Variants in GSG1L observed in about 807,000 individuals in gnomAD.
GSG1L encodes GSG1 like, also known as germ cell-specific gene 1-like protein.
Under a neutral mutation model 42.1 loss-of-function variants are expected in GSG1L, and 24 were observed. That is an observed-to-expected ratio of 0.57 (90% CI 0.41 to 0.80). The LOEUF is 0.80. GSG1L is among the 30% of genes least tolerant of loss of function. The pLI is 0.00. For synonymous variants in GSG1L, 215 were observed against 203.5 expected, an observed-to-expected ratio of 1.06 and a Z score of -0.48; for missense variants, 445 against 472.2, an observed-to-expected ratio of 0.94 and a Z score of 0.53.
At chr16:28,018,402 C>A (rs139115851) in intron 1 of GSG1L, among the ~76,000 whole-genome samples, 13 of 152,326 alleles carry the variant, frequency 8.5e-5, no homozygotes, top group African/African-American at 3.1e-4. Flanking sequence ...CCTTACCCAA[C>A]CACTTCCAAA....
intron 1 of GSG1L, among the ~76,000 whole-genome samples, chr16:28,033,837 G>T (rs866242295): frequency 9.2e-5 from 14 of 152,310 alleles, no homozygotes; most frequent in Middle Eastern, 3.4e-3. Flanking sequence ...GATAATTAAT[G>T]AAAAACAGAC....
chr16:27,896,210 T>G (rs560894711), intron 2 of GSG1L, among the ~76,000 whole-genome samples: 4 of 152,104 alleles, frequency 2.6e-5, no homozygotes, highest in Non-Finnish European at 5.9e-5. Flanking sequence ...TTCCTTCTGG[T>G]GGGTGCTCAG....
intron 1 of GSG1L, among the ~76,000 whole-genome samples, chr16:27,983,963 C>T (rs374089795): frequency 6.6e-6 from 1 of 152,072 alleles, no homozygotes; most frequent in Non-Finnish European, 1.5e-5. Context: ...CATAAATAAC[C>T]CCTGATAGAG....
intron 1 of GSG1L, among the ~76,000 whole-genome samples, chr16:27,976,325 A>G (rs1034481744): frequency 6.6e-6 from 1 of 152,194 alleles, no homozygotes; most frequent in Non-Finnish European, 1.5e-5. Context: ...CACGGAGGCC[A>G]CATGTTTTCA....
At chr16:27,921,754 T>C (rs1206884932) in intron 2 of GSG1L, among the ~76,000 whole-genome samples, 1 of 152,192 alleles carries the variant, frequency 6.6e-6, no homozygotes, top group South Asian at 2.1e-4. Flanking sequence ...TGGTTTCTTT[T>C]CCAGGCTCTT....
intron 2 of GSG1L, among the ~76,000 whole-genome samples, chr16:27,916,891 A>T (rs2141058665): frequency 6.6e-6 from 1 of 152,344 alleles, no homozygotes; most frequent in East Asian, 1.9e-4. Flanking sequence ...GCAAAAAAAA[A>T]AATGTCTAGA....
Position 27,845,568 on chromosome 16 carries a change from G to A in GSG1L, c.551-507C>T, listed in dbSNP as rs148661173. On this transcript the variant is annotated intron_variant, in intron 3 of 6. Coordinates refer to ENST00000447459, the MANE Select transcript of GSG1L (RefSeq NM_001109763.2). ...CCCCATCTAGTAAGAAGACCCAGCT[G>A]TAGAGTGGGCTTTGGCTGGGGTCAG... Among the ~76,000 whole-genome samples the A allele has an allele frequency of 1.3e-4, 20 of 152,308 alleles. No homozygotes were observed. In the East Asian group the frequency reaches 3.9e-3, roughly 29 times the overall value.
At chr16:27,913,895 G>T (rs947586720) in intron 2 of GSG1L, among the ~76,000 whole-genome samples, 1 of 151,756 alleles carries the variant, frequency 6.6e-6, no homozygotes, top group African/African-American at 2.4e-5. Flanking sequence ...TTATCGGAAA[G>T]AATTTGAAAA....
chr16:27,794,472 A>G (rs1160825318), intron 6 of GSG1L, among the ~76,000 whole-genome samples: 1 of 151,950 alleles, frequency 6.6e-6, no homozygotes, highest in African/African-American at 2.4e-5. Context: ...CTAGGACTAC[A>G]GGCACCTGCT....
intron 2 of GSG1L, among the ~76,000 whole-genome samples, chr16:27,956,517 T>C (rs1452992114): frequency 6.6e-6 from 1 of 152,184 alleles, no homozygotes; most frequent in Non-Finnish European, 1.5e-5. Flanking sequence ...CATTCCTCCA[T>C]GTGAGCAGTA....
At chr16:28,004,215 T>C (rs2085611286) in intron 1 of GSG1L, among the ~76,000 whole-genome samples, 1 of 152,156 alleles carries the variant, frequency 6.6e-6, no homozygotes, top group Admixed American at 6.5e-5. Context: ...TCCTCAGTGC[T>C]GGCTGCTCCC....
At chr16:27,840,175 G>A (rs1216460544) in intron 4 of GSG1L, among the ~76,000 whole-genome samples, 1 of 152,040 alleles carries the variant, frequency 6.6e-6, no homozygotes, top group South Asian at 2.1e-4. Context: ...GACTACAGGT[G>A]TGCACCACCA....
chr16:27,800,950 AAG>A (rs2082874690), intron 6 of GSG1L, among the ~76,000 whole-genome samples: 1 of 152,158 alleles, frequency 6.6e-6, no homozygotes. Context: ...CTAGGAAGAA[AAG>A]AGAACCCGGT....
At chr16:27,862,558 C>T (rs2083667180) in intron 3 of GSG1L, among the ~76,000 whole-genome samples, 1 of 152,208 alleles carries the variant, frequency 6.6e-6, no homozygotes, top group African/African-American at 2.4e-5. Flanking sequence ...GCAATATTGT[C>T]ACACATTTGG....
At chr16:27,987,945 CAAAAAA>C (rs56395297) in intron 1 of GSG1L, among the ~76,000 whole-genome samples, 1 of 92,864 alleles carries the variant, frequency 1.1e-5, no homozygotes. Flanking sequence ...GACTCCGTCT[CAAAAAA>C]AAAAAAAAAA....
At chr16:27,798,519 G>A (rs2082846651) in intron 6 of GSG1L, among the ~76,000 whole-genome samples, 1 of 152,220 alleles carries the variant, frequency 6.6e-6, no homozygotes, top group South Asian at 2.1e-4. Flanking sequence ...AGGGAGGCAA[G>A]TGGACGGGTA....
chr16:27,916,882 CA>C (rs5816452), intron 2 of GSG1L, among the ~76,000 whole-genome samples: 138,013 of 150,740 alleles, frequency 0.92, 63,144 homozygotes, highest in South Asian at 0.95. Flanking sequence ...TCACTCAATG[CA>C]AAAAAAAAAA....
chr16:27,995,766 C>G (rs1357473703), intron 1 of GSG1L, among the ~76,000 whole-genome samples: 1 of 152,012 alleles, frequency 6.6e-6, no homozygotes, highest in East Asian at 1.9e-4. Flanking sequence ...CCCACCTCAG[C>G]CTCCCAAGTA....
chr16:27,973,317 G>T (rs2085213452), intron 1 of GSG1L, among the ~76,000 whole-genome samples: 1 of 151,758 alleles, frequency 6.6e-6, no homozygotes, highest in Non-Finnish European at 1.5e-5. Context: ...GGGCGTGGTT[G>T]TGCACACCTG....
Sources: allele counts gnomAD v4.1 joint callset (sites outside exome capture counted in the v4.1 genomes callset), GRCh38; gene constraint gnomAD v4.1.1; transcripts MANE v1.5; gene names NCBI Gene and HGNC (gene_info 2026-07-23, HGNC 2026-07-21).